The following FILIP1L variants were observed in gnomAD, a reference collection of about 807,000 sequenced individuals.
FILIP1L encodes the protein filamin A interacting protein 1 like.
A neutral mutation model predicts 96.6 loss-of-function variants in FILIP1L; 55 were observed. That is an observed-to-expected ratio of 0.57 (90% CI 0.46 to 0.71). The LOEUF is 0.71. Ranked by LOEUF, FILIP1L falls within the 30% of genes least tolerant of loss-of-function variation. FILIP1L has a pLI of 0.00. For missense variants in FILIP1L, 1,304 were observed against 1,321.2 expected (o/e 0.99, Z 0.20); for synonymous variants, 467 against 473.9 (o/e 0.99, Z 0.19).
intron 1 of FILIP1L, among the ~76,000 whole-genome samples, chr3:99,991,122 A>C (rs928825373): frequency 6.6e-6 from 1 of 152,204 alleles, no homozygotes; most frequent in African/African-American, 2.4e-5. Flanking sequence ...ATCTCCCCCC[A>C]TAATGGAATA....
At chr3:99,937,138 A>G (rs547840378) in intron 1 of FILIP1L, among the ~76,000 whole-genome samples, 39 of 151,782 alleles carry the variant, frequency 2.6e-4, no homozygotes, top group African/African-American at 8.2e-4. Flanking sequence ...GAGTTTCACC[A>G]TGTTGGCCAG....
At chr3:99,971,197 G>A (rs759197813) in intron 1 of FILIP1L, among the ~76,000 whole-genome samples, 4 of 152,030 alleles carry the variant, frequency 2.6e-5, no homozygotes, top group Non-Finnish European at 4.4e-5. Context: ...ATAATTAGCC[G>A]GGCCTGGTGG....
intron 1 of FILIP1L, among the ~76,000 whole-genome samples, chr3:99,968,490 G>A (rs890705509): frequency 6.6e-6 from 1 of 151,876 alleles, no homozygotes; most frequent in African/African-American, 2.4e-5. Flanking sequence ...AGGCTATCCA[G>A]GTAAATAAAC....
chr3:99,950,964 G>A (rs371096602), intron 1 of FILIP1L, among the ~76,000 whole-genome samples: 3 of 152,288 alleles, frequency 2.0e-5, no homozygotes, highest in Non-Finnish European at 4.4e-5. Context: ...TCTGCCCTTG[G>A]AATAACTCAA....
At chr3:100,088,345 A>G (rs1437678669) in intron 1 of FILIP1L, among the ~76,000 whole-genome samples, 1 of 152,200 alleles carries the variant, frequency 6.6e-6, no homozygotes, top group East Asian at 1.9e-4. Flanking sequence ...ACATTATGGA[A>G]TACAGATACC....
intron 1 of FILIP1L, among the ~76,000 whole-genome samples, chr3:100,074,675 ATTTTTTTTTTTTTT>A (rs555819875): frequency 6.3e-4 from 22 of 34,802 alleles, no homozygotes; most frequent in South Asian, 3.3e-3. Context: ...GCAACATTTG[ATTTTTTTTTTTTTT>A]TTTTTTTTTT....
rs527882567 is a variant in FILIP1L at position 99,910,268 on chromosome 3, T to C, written c.605+13962A>G. 1.5e-5 allele frequency among the ~76,000 whole-genome samples: 2 copies of C among 137,012 alleles called. 1 individual carries two copies. The highest frequency in any genetic ancestry group is 4.9e-4 in the South Asian group (2 of 4,056). 89.9% of individuals were successfully genotyped at this position (137,012 alleles called of 152,430 possible). Reference sequence around the variant, plus strand: ...AATAACTTCATCCAGTGAGTATGTTTACCTAAATGTGTCATCAAACTTCTC... The same window carrying C: ...AATAACTTCATCCAGTGAGTATGTTCACCTAAATGTGTCATCAAACTTCTC... On this transcript the variant is annotated intron_variant, in intron 4 of 5. Coordinates refer to ENST00000477258, the MANE Select transcript of FILIP1L (RefSeq NM_001387850.1).
intron 1 of FILIP1L, among the ~76,000 whole-genome samples, chr3:99,958,873 T>C (rs1428147567): frequency 6.6e-6 from 1 of 152,184 alleles, no homozygotes; most frequent in Non-Finnish European, 1.5e-5. Context: ...AATTTTGGCT[T>C]TACACTTAGG....
chr3:99,875,231 G>A (rs1005006249), intron 4 of FILIP1L, among the ~76,000 whole-genome samples: 3 of 152,146 alleles, frequency 2.0e-5, no homozygotes, highest in Non-Finnish European at 4.4e-5. Flanking sequence ...TCTGCCAAGT[G>A]TTCAGTTATC....
At chr3:99,892,314 A>G (rs17338576) in intron 4 of FILIP1L, among the ~76,000 whole-genome samples, 1,762 of 152,306 alleles carry the variant, frequency 0.012, 19 homozygotes, top group African/African-American at 0.026. Flanking sequence ...TAAACTATTG[A>G]CCTTCACTGA....
intron 4 of FILIP1L, among the ~76,000 whole-genome samples, chr3:99,852,291 C>T (rs2107531789): frequency 6.6e-6 from 1 of 152,274 alleles, no homozygotes; most frequent in East Asian, 1.9e-4. Flanking sequence ...GAAGTTATGA[C>T]TACTTACATT....
chr3:99,885,142 C>G (rs1206572793), intron 4 of FILIP1L, among the ~76,000 whole-genome samples: 12 of 152,182 alleles, frequency 7.9e-5, no homozygotes, highest in Non-Finnish European at 2.9e-5. Flanking sequence ...TGAACATAAT[C>G]AATTCTAATG....
At chr3:99,930,491 T>A (rs1292426778) in intron 2 of FILIP1L, among the ~76,000 whole-genome samples, 2 of 152,192 alleles carry the variant, frequency 1.3e-5, no homozygotes, top group African/African-American at 4.8e-5. Context: ...TTGCTACTGA[T>A]GCATGCATGT....
chr3:100,047,685 A>G lies in FILIP1L; in HGVS notation c.-11+66368T>C, dbSNP rs974368875. 3.3e-5 allele frequency among the ~76,000 whole-genome samples: 5 copies of G among 152,338 alleles called. No homozygotes were observed. The East Asian group carries it at 9.7e-4, about 29-fold the overall frequency. On this transcript the variant is annotated intron_variant, in intron 1 of 5. Transcript: ENST00000477258. ...CTTCTGGAAGCCTCACTGTATGTGA[A>G]GTCAAGAAACAATGCCCCTGCCACT...
chr3:100,101,097 C>G (rs1365474956), intron 1 of FILIP1L, among the ~76,000 whole-genome samples: 11 of 152,224 alleles, frequency 7.2e-5, no homozygotes, highest in Non-Finnish European at 1.5e-5. Context: ...CTGGGTGGTA[C>G]ATACTGGAAT....
intron 1 of FILIP1L, among the ~76,000 whole-genome samples, chr3:100,002,282 G>T (rs1172392889): frequency 6.6e-6 from 1 of 152,150 alleles, no homozygotes; most frequent in Non-Finnish European, 1.5e-5. Flanking sequence ...GAATTATTAT[G>T]AATTTTTTGT....
At chr3:100,048,474 C>T (rs1014677861) in intron 1 of FILIP1L, among the ~76,000 whole-genome samples, 3 of 152,136 alleles carry the variant, frequency 2.0e-5, no homozygotes, top group Non-Finnish European at 4.4e-5. Context: ...CAAGCTGTGA[C>T]ACGGAGCTCA....
intron 1 of FILIP1L, among the ~76,000 whole-genome samples, chr3:99,931,569 A>G (rs1434138946): frequency 6.6e-6 from 1 of 152,158 alleles, no homozygotes; most frequent in Admixed American, 6.5e-5. Context: ...GAATTACTGC[A>G]TTATTTTGTT....
intron 1 of FILIP1L, among the ~76,000 whole-genome samples, chr3:99,951,444 G>C (rs529775224): frequency 1.0e-3 from 159 of 152,174 alleles, no homozygotes; most frequent in Non-Finnish European, 2.0e-3. Context: ...ATGATTGAAT[G>C]AATGAGGTTG....
Sources: gnomAD v4.1 joint callset for allele counts (sites outside exome capture counted in the v4.1 genomes callset) on GRCh38, gnomAD v4.1.1 for gene constraint, MANE v1.5 for transcripts, NCBI Gene and HGNC (gene_info 2026-07-23, HGNC 2026-07-21) for gene names.